The following NYX variants were observed in gnomAD, a reference collection of about 807,000 sequenced individuals.
The protein encoded by NYX is nyctalopin.
For missense variants in NYX, 481 were observed against 485.4 expected, an observed-to-expected ratio of 0.99 and a Z score of 0.09; for synonymous variants, 258 against 245.7, an observed-to-expected ratio of 1.05 and a Z score of -0.47.
intron 2 of NYX, among the ~76,000 whole-genome samples, chrX:41,460,473 T>C (rs937814909): frequency 4.5e-5 from 5 of 111,943 alleles, no homozygotes; most frequent in African/African-American, 1.6e-4. Context: ...ACCCAGCCTA[T>C]TCTTTTGTTA....
chrX:41,474,722 G>A lies in NYX; in HGVS notation c.1254G>A (p.Pro418=), dbSNP rs779745958. The A allele has an allele frequency of 2.6e-5, 31 of 1,196,288 alleles. No homozygotes were observed. The Admixed American group carries it at 7.1e-4, about 27-fold the overall frequency. The change falls in exon 3 of 3, where the codon CCG becomes CCA. Residue 418 remains proline (P), a synonymous_variant. Transcript: ENST00000378220. ...GCCTCCTCTCCAAGCTGCTGGCCCC[G>A]AGGGTCCCGGTGGAGGAGGCGGCCA... ...FSSLLSKLLA[P]RVPVEEAANT... is the part of the protein sequence containing the mutation.
intron 2 of NYX, among the ~76,000 whole-genome samples, chrX:41,452,798 G>A (rs888446325): frequency 8.1e-5 from 9 of 111,303 alleles, no homozygotes; most frequent in Non-Finnish European, 1.7e-4. Flanking sequence ...ACTGCAGCTC[G>A]AATCCTTTCT....
At chrX:41,457,222 C>T (rs1443116250) in intron 2 of NYX, among the ~76,000 whole-genome samples, 3 of 104,729 alleles carry the variant, frequency 2.9e-5, no homozygotes, top group African/African-American at 1.1e-4. Context: ...AGGAGAATCG[C>T]TTGAACCCGG....
chrX:41,465,286 G>A (rs1263816686), intron 2 of NYX, among the ~76,000 whole-genome samples: 2 of 110,698 alleles, frequency 1.8e-5, no homozygotes, highest in Non-Finnish European at 3.8e-5. Context: ...GCCAGTGGTA[G>A]AAACTCTGGA....
chrX:41,473,995 T>C lies in NYX; in HGVS notation c.527T>C (p.Leu176Pro), dbSNP rs1569267306. The stretch of plus-strand genomic sequence containing the variant: ...CGCGTGCCGGGCGCGCTGCGCGGCC[T>C]GGCCAACCTGACGCACGCGCACCTG... ...FRRVPGALRG[L>P]ANLTHAHLER... The change falls in exon 3 of 3, where the codon CTG becomes CCG. Residue 176 changes from leucine to proline, a missense_variant. Coordinates refer to ENST00000378220, the MANE Select transcript of NYX (RefSeq NM_001378477.3). 1 of 1,066,631 alleles carries C rather than the reference T, an allele frequency of 9.4e-7. No individual in the cohort carries two copies. Among genetic ancestry groups the C allele is most frequent in the Non-Finnish European group, 1.2e-6 (1 of 831,374 alleles). 87.9% of individuals were successfully genotyped at this position (1,066,631 alleles called of 1,213,427 possible).
intron 2 of NYX, among the ~76,000 whole-genome samples, chrX:41,459,831 T>TCTATGAA (rs1336800547): frequency 3.7e-5 from 4 of 109,096 alleles, no homozygotes; most frequent in Admixed American, 9.9e-5. Context: ...TAAATTAGCC[T>TCTATGAA]CTATGAACAC....
At chrX:41,455,306 C>T (rs2064295135) in intron 2 of NYX, among the ~76,000 whole-genome samples, 1 of 109,839 alleles carries the variant, frequency 9.1e-6, no homozygotes, top group Admixed American at 9.8e-5. Flanking sequence ...AGGGTTTCAC[C>T]GTGTTGGTCA....
chrX:41,475,247 TAGAG>T lies in NYX; in HGVS notation c.*352_*355del, dbSNP rs1475167291. ...GCAACAGTGCCTGCAAGGCCTGAAT[TAGAG>T]AGACTTCCATTGGCTAAGTAGTTAA... On this transcript the variant is annotated 3_prime_UTR_variant, in exon 3 of 3. Transcript: ENST00000378220. 6 of 275,000 alleles carry T rather than the reference TAGAG, an allele frequency of 2.2e-5. No individual in the cohort carries two copies. Among genetic ancestry groups the T allele is most frequent in the Non-Finnish European group, 3.2e-5 (5 of 155,014 alleles). 22.7% of individuals were successfully genotyped at this position (275,000 alleles called of 1,213,427 possible).
Position 41,461,382 on chromosome X carries a change from C to CATATAT in NYX, c.23-12091_23-12086dup, listed in dbSNP as rs60185443. On this transcript the variant is annotated intron_variant, in intron 2 of 2. Transcript: ENST00000378220. ...TTTTTATGGCTGAGTAATATTCCGT[C>CATATAT]ATATATATATATATATATATATACA... is the stretch of plus-strand genomic sequence containing the variant. Among the ~76,000 whole-genome samples the CATATAT allele has an allele frequency of 4.0e-3, 405 of 101,523 alleles. 4 individuals are homozygous for CATATAT. Among genetic ancestry groups the CATATAT allele is most frequent in the African/African-American group, 0.012 (326 of 27,292 alleles). The allele number at this position is 101,523 out of a possible 115,157, so 88.2% of individuals were successfully genotyped here.
chrX:41,474,725 G>A lies in NYX; in HGVS notation c.1257G>A (p.Arg419=). The A allele has an allele frequency of 8.4e-7, 1 of 1,196,205 alleles. No homozygotes were observed. The highest frequency in any genetic ancestry group is 1.1e-6 in the Non-Finnish European group (1 of 889,243). ...SSLLSKLLAP[R]VPVEEAANTT... ...TCCTCTCCAAGCTGCTGGCCCCGAG[G>A]GTCCCGGTGGAGGAGGCGGCCAACA... Residue 419 remains arginine (R), a synonymous_variant, in exon 3 of 3, where the codon AGG becomes AGA. Coordinates refer to ENST00000378220, the MANE Select transcript of NYX (RefSeq NM_001378477.3).
At chrX:41,464,168 C>T (rs1300941968) in intron 2 of NYX, among the ~76,000 whole-genome samples, 1 of 98,202 alleles carries the variant, frequency 1.0e-5, no homozygotes, top group African/African-American at 3.8e-5. Context: ...TTTTTTAAAA[C>T]AAGGTCTGGC....
intron 2 of NYX, among the ~76,000 whole-genome samples, chrX:41,454,586 C>T (rs755825792): frequency 4.5e-5 from 5 of 110,325 alleles, no homozygotes; most frequent in South Asian, 3.9e-4. Context: ...GCTGGGATTA[C>T]AGGTGTGAGC....
Position 41,447,506 on chromosome X carries a change from C to A in NYX, c.-67C>A, listed in dbSNP as rs1210339498. 5 of 218,413 alleles carry A rather than the reference C, an allele frequency of 2.3e-5. No individual in the cohort carries two copies. Among genetic ancestry groups the A allele is most frequent in the Non-Finnish European group, 3.4e-5 (4 of 118,582 alleles). The allele number at this position is 218,413 out of a possible 1,213,427, so 18.0% of individuals were successfully genotyped here. ...CCTCAGAGGAGCAGGACCAGGGAGA[C>A]TCCCAGGACGGTAAGCAACATTTGA... On this transcript the variant is annotated 5_prime_UTR_variant, in exon 1 of 3. Transcript: ENST00000378220.
chrX:41,460,451 G>A (rs746158667), intron 2 of NYX, among the ~76,000 whole-genome samples: 4 of 112,063 alleles, frequency 3.6e-5, no homozygotes, highest in Middle Eastern at 4.7e-3. Context: ...GATTCCAGGC[G>A]TGAGCCACCG....
intron 2 of NYX, among the ~76,000 whole-genome samples, chrX:41,461,473 C>A (rs972899207): frequency 1.8e-5 from 2 of 108,556 alleles, no homozygotes; most frequent in Non-Finnish European, 3.8e-5. Context: ...TTTGCAATTG[C>A]GAATTGTGCT....
intron 2 of NYX, among the ~76,000 whole-genome samples, chrX:41,453,749 C>A (rs2064289675): frequency 8.9e-6 from 1 of 112,633 alleles, no homozygotes; most frequent in African/African-American, 3.2e-5. Context: ...AGCCACCGTG[C>A]CAGGCCTTCA....
Position 41,473,413 on chromosome X carries a change from G to A in NYX, c.23-78G>A, listed in dbSNP as rs187104408. Reference sequence around the variant, plus strand: ...GCCCGGACAGGCAGGATTTTTCCTGGGGTGACCTTTGGCTGACGGTTGCTC... The same window carrying A: ...GCCCGGACAGGCAGGATTTTTCCTGAGGTGACCTTTGGCTGACGGTTGCTC... On this transcript the variant is annotated intron_variant, in intron 2 of 2. Transcript: ENST00000378220. 1.8e-3 allele frequency: 1,591 copies of A among 886,771 alleles called. 13 individuals carry two copies. In the African/African-American group the frequency reaches 0.032, roughly 18 times the overall value. The allele number at this position is 886,771 out of a possible 1,213,427, so 73.1% of individuals were successfully genotyped here.
At position 41,473,876 on chromosome X, in the gene NYX, C is replaced by T. The variant is rs1422213474; in HGVS notation, c.408C>T (p.Asp136=). 4 of 1,128,244 alleles carry T rather than the reference C, an allele frequency of 3.5e-6. No homozygotes were observed. The African/African-American group carries it at 5.7e-5, about 16-fold the overall frequency. The allele number at this position is 1,128,244 out of a possible 1,213,427, so 93.0% of individuals were successfully genotyped here. A position where few individuals can be genotyped will look rare whatever the true frequency, so the allele number is the denominator to read the frequency against. ...CGCTCAGCCGCCTGCGCCGCCTAGA[C>T]CTAGCAGCCTGCCGCCTCTTCAGCG... ...FAALSRLRRL[D]LAACRLFSVP... Residue 136 remains aspartate (D), a synonymous_variant, in exon 3 of 3, where the codon GAC becomes GAT. Coordinates refer to ENST00000378220, the MANE Select transcript of NYX (RefSeq NM_001378477.3).
chrX:41,457,329 C>T (rs1246189246), intron 2 of NYX, among the ~76,000 whole-genome samples: 1 of 80,277 alleles, frequency 1.2e-5, no homozygotes, highest in Non-Finnish European at 2.4e-5. Flanking sequence ...AAAAAAAAGG[C>T]CTCAGAGAGC....
Sources: gnomAD v4.1 joint callset for allele counts (sites outside exome capture counted in the v4.1 genomes callset) on GRCh38, gnomAD v4.1.1 for gene constraint, MANE v1.5 for transcripts, NCBI Gene and HGNC (gene_info 2026-07-23, HGNC 2026-07-21) for gene names.